FRMD6: variants seen among roughly 807,000 people sequenced by gnomAD.
FRMD6 encodes FERM domain-containing protein 6.
In FRMD6, 37 loss-of-function variants were observed where a neutral mutation model predicts 73.2. That is an observed-to-expected ratio of 0.51 (90% confidence interval 0.39 to 0.66). The LOEUF is 0.66. Ranked by LOEUF, FRMD6 falls within the 30% of genes least tolerant of loss-of-function variation. The pLI, the probability that FRMD6 is intolerant of heterozygous loss-of-function variation, is 0.00. For synonymous variants in FRMD6, 273 were observed against 282.2 expected (o/e 0.97, Z 0.33); for missense variants, 714 against 780.5 (o/e 0.91, Z 1.02).
intron 1 of FRMD6, among the ~76,000 whole-genome samples, chr14:51,664,288 A>G (rs1893423089): frequency 6.6e-6 from 1 of 152,238 alleles, no homozygotes; most frequent in Non-Finnish European, 1.5e-5. Flanking sequence ...GACTTTCATC[A>G]TGAAGTGTTA....
chr14:51,400,636 A>C, the FRMD6 span, among the ~76,000 whole-genome samples: 2 of 152,202 alleles, frequency 1.3e-5, no homozygotes, highest in African/African-American at 4.8e-5. Context: ...TTATATAATT[A>C]CAATAAAAAA....
At chr14:51,591,478 G>C (rs1398048906) in intron 2 of FRMD6, among the ~76,000 whole-genome samples, 1 of 152,142 alleles carries the variant, frequency 6.6e-6, no homozygotes, top group Non-Finnish European at 1.5e-5. Context: ...TTTCTGATAA[G>C]TTTTTTACAA....
At chr14:51,556,817 C>T (rs1433814528) in intron 1 of FRMD6, among the ~76,000 whole-genome samples, 1 of 144,698 alleles carries the variant, frequency 6.9e-6, no homozygotes, top group Non-Finnish European at 1.5e-5. Context: ...TCTACCCCTT[C>T]CACCATAATC....
chr14:51,508,080 C>T lies in FRMD6; in HGVS notation c.-210+18660C>T, dbSNP rs570706234. ...TCGCAGACCCTGCAGCCAGCTACTC[C>T]CCTCTTCAGCCCCTCAGTCCTCCCT... On this transcript the variant is annotated intron_variant, in intron 1 of 14. Transcript: ENST00000356218. Among the ~76,000 whole-genome samples, 7 of 152,316 alleles carry T rather than the reference C, an allele frequency of 4.6e-5. No individual in the cohort carries two copies. In the East Asian group the frequency reaches 5.8e-4, roughly 13 times the overall value.
intron 2 of FRMD6, among the ~76,000 whole-genome samples, chr14:51,638,279 C>G (rs1891659894): frequency 6.6e-6 from 1 of 151,806 alleles, no homozygotes; most frequent in Admixed American, 6.6e-5. Flanking sequence ...AAGACCTTGT[C>G]TTAAAAAAAA....
chr14:51,430,754 C>T, the FRMD6 span, among the ~76,000 whole-genome samples: 1 of 152,104 alleles, frequency 6.6e-6, no homozygotes, highest in Non-Finnish European at 1.5e-5. Flanking sequence ...TGTTTGCTAC[C>T]CTTGGGTGGC....
intron 5 of FRMD6, chr14:51,704,492 T>C (rs1033738300): frequency 2.5e-6 from 1 of 405,302 alleles, no homozygotes. Context: ...CTTCTCTGAA[T>C]GAATCAAATG....
intron 12 of FRMD6, chr14:51,724,141 A>C (rs2140681825): frequency 6.6e-6 from 1 of 152,244 alleles, no homozygotes; most frequent in East Asian, 1.9e-4. Context: ...AGTTGCAGTG[A>C]TACAGAGAAG....
intron 2 of FRMD6, among the ~76,000 whole-genome samples, chr14:51,583,072 A>G (rs1315081498): frequency 6.6e-6 from 1 of 152,206 alleles, no homozygotes; most frequent in Non-Finnish European, 1.5e-5. Flanking sequence ...ATTGAATTAT[A>G]TAAAGTAGTG....
chr14:51,685,584 A>T (rs1895095107), intron 1 of FRMD6, among the ~76,000 whole-genome samples: 1 of 152,236 alleles, frequency 6.6e-6, no homozygotes, highest in Non-Finnish European at 1.5e-5. Flanking sequence ...AGGATACTAT[A>T]CATTAAAGAT....
At chr14:51,453,885 A>G in the FRMD6 span, among the ~76,000 whole-genome samples, 1 of 152,184 alleles carries the variant, frequency 6.6e-6, no homozygotes, top group Non-Finnish European at 1.5e-5. Flanking sequence ...TTTTTTTCCA[A>G]TTAAAATTGT....
intron 1 of FRMD6, among the ~76,000 whole-genome samples, chr14:51,513,857 A>G (rs1374078404): frequency 1.3e-5 from 2 of 152,156 alleles, no homozygotes; most frequent in African/African-American, 4.8e-5. Context: ...TCCCAACTGG[A>G]GGCAAGAGGC....
At chr14:51,563,012 C>T (rs1456887407) in intron 1 of FRMD6, among the ~76,000 whole-genome samples, 1 of 152,192 alleles carries the variant, frequency 6.6e-6, no homozygotes, top group Admixed American at 6.5e-5. Flanking sequence ...TTTGAGGTTT[C>T]TTTCTGCCAT....
chr14:51,417,233 G>T, the FRMD6 span, among the ~76,000 whole-genome samples: 1 of 152,196 alleles, frequency 6.6e-6, no homozygotes, highest in Non-Finnish European at 1.5e-5. Flanking sequence ...AGTTGATGCA[G>T]TTTCTTCCTA....
chr14:51,703,242 C>T (rs893558491), intron 5 of FRMD6, among the ~76,000 whole-genome samples: 3 of 151,950 alleles, frequency 2.0e-5, no homozygotes, highest in South Asian at 2.1e-4. Flanking sequence ...TTCAGAAGCT[C>T]GGTCTGTATA....
At chr14:51,657,620 G>C (rs1330913972) in intron 1 of FRMD6, among the ~76,000 whole-genome samples, 1 of 152,170 alleles carries the variant, frequency 6.6e-6, no homozygotes, top group Non-Finnish European at 1.5e-5. Flanking sequence ...TGGGTAGTTT[G>C]AGGACAGTAC....
intron 1 of FRMD6, among the ~76,000 whole-genome samples, chr14:51,683,479 G>A (rs111779209): frequency 6.6e-6 from 1 of 151,702 alleles, no homozygotes; most frequent in African/African-American, 2.4e-5. Context: ...AGTAGAAATG[G>A]GGTCTCGCTG....
intron 2 of FRMD6, among the ~76,000 whole-genome samples, chr14:51,610,452 A>C (rs1456270382): frequency 6.6e-6 from 1 of 151,972 alleles, no homozygotes. Context: ...TATCCTACTT[A>C]GAATAAAAAG....
chr14:51,601,329 G>A (rs1490667219), intron 2 of FRMD6, among the ~76,000 whole-genome samples: 1 of 152,182 alleles, frequency 6.6e-6, no homozygotes, highest in Non-Finnish European at 1.5e-5. Context: ...ACTGCCCCAG[G>A]GGTGTAGGAT....
Sources: allele counts gnomAD v4.1 joint callset (sites outside exome capture counted in the v4.1 genomes callset), GRCh38; gene constraint gnomAD v4.1.1; transcripts MANE v1.5; gene names NCBI Gene and HGNC (gene_info 2026-07-23, HGNC 2026-07-21).